Variants in OTUD7A observed in about 807,000 individuals in gnomAD.
OTUD7A encodes OTU domain-containing protein 7A.
Under a neutral mutation model 65.7 loss-of-function variants are expected in OTUD7A, and 12 were observed. That is an observed-to-expected ratio of 0.18 (90% CI 0.12 to 0.30). OTUD7A has a LOEUF of 0.30. Among genes scored for constraint, OTUD7A ranks in the 10% least tolerant of loss-of-function variants. The pLI is 1.00. For missense variants in OTUD7A, 1,148 were observed against 1,304.8 expected, an observed-to-expected ratio of 0.88 and a Z score of 1.85; for synonymous variants, 641 against 586.3, an observed-to-expected ratio of 1.09 and a Z score of -1.35.
intron 1 of OTUD7A, among the ~76,000 whole-genome samples, chr15:31,786,048 TA>T (rs1895664594): frequency 1.3e-5 from 2 of 152,050 alleles, no homozygotes; most frequent in Non-Finnish European, 2.9e-5. Context: ...ATCATAGCTT[TA>T]TAAGAAGAGG....
At chr15:31,560,215 G>A (rs529591472) in intron 4 of OTUD7A, among the ~76,000 whole-genome samples, 1 of 152,354 alleles carries the variant, frequency 6.6e-6, no homozygotes, top group South Asian at 2.1e-4. Context: ...AAGACAGGTT[G>A]TTTTACTAAA....
intron 3 of OTUD7A, among the ~76,000 whole-genome samples, chr15:31,607,718 A>G (rs1890276972): frequency 6.6e-6 from 1 of 152,186 alleles, no homozygotes; most frequent in Admixed American, 6.5e-5. Context: ...ATTGTGTTAC[A>G]ATTACCTACG....
chr15:31,592,904 AAT>A lies in OTUD7A; in HGVS notation c.152-22709_152-22708del, dbSNP rs1226266359. Among the ~76,000 whole-genome samples the A allele has an allele frequency of 6.2e-3, 367 of 59,368 alleles. 3 individuals are homozygous for A. Among genetic ancestry groups the A allele is most frequent in the South Asian group, 0.017 (25 of 1,446 alleles). The allele number at this position is 59,368 out of a possible 152,430, so 38.9% of individuals were successfully genotyped here. Reference sequence around the variant, plus strand: ...CAAAAAAAAAAAAAAAAAAAAAAAAAATATATATATATATATATATATATATA... The same window carrying A: ...CAAAAAAAAAAAAAAAAAAAAAAAAAATATATATATATATATATATATATA... On this transcript the variant is annotated intron_variant, in intron 3 of 12. Coordinates refer to ENST00000307050, the MANE Select transcript of OTUD7A (RefSeq NM_001382637.1).
intron 4 of OTUD7A, among the ~76,000 whole-genome samples, chr15:31,562,005 T>C (rs1277739017): frequency 6.6e-6 from 1 of 152,262 alleles, no homozygotes; most frequent in Non-Finnish European, 1.5e-5. Flanking sequence ...TATATTCTTT[T>C]TTCATTTATT....
At chr15:31,557,497 G>C (rs1314484069) in intron 5 of OTUD7A, 1 of 152,244 alleles carries the variant, frequency 6.6e-6, no homozygotes, top group Admixed American at 6.5e-5. Flanking sequence ...GGATGGTGGA[G>C]GAAGAGTGTG....
intron 1 of OTUD7A, among the ~76,000 whole-genome samples, chr15:31,730,028 G>A (rs989908701): frequency 6.6e-6 from 1 of 152,168 alleles, no homozygotes; most frequent in African/African-American, 2.4e-5. Context: ...AATGTTATTA[G>A]GAGGTGAGGC....
At chr15:31,591,936 CT>C (rs34839525) in intron 3 of OTUD7A, among the ~76,000 whole-genome samples, 27,331 of 152,174 alleles carry the variant, frequency 0.18, 2,654 homozygotes, top group East Asian at 0.25. Flanking sequence ...CAGCATATAA[CT>C]GTACTGAATA....
At chr15:31,804,701 T>C (rs1185113459) in intron 1 of OTUD7A, among the ~76,000 whole-genome samples, 1 of 152,016 alleles carries the variant, frequency 6.6e-6, no homozygotes, top group Non-Finnish European at 1.5e-5. Flanking sequence ...AAACTCTCCT[T>C]CCCCAGAGGA....
At chr15:31,684,064 T>C (rs1354971316) in intron 1 of OTUD7A, among the ~76,000 whole-genome samples, 1 of 152,128 alleles carries the variant, frequency 6.6e-6, no homozygotes, top group East Asian at 1.9e-4. Context: ...AAGCAATTGA[T>C]TTCAACAAAG....
At chr15:31,656,900 C>T (rs1000765349) in intron 2 of OTUD7A, 83 bp downstream of exon 2, 10 of 152,612 alleles carry the variant, frequency 6.6e-5, no homozygotes, top group African/African-American at 2.2e-4. Flanking sequence ...GAGACATTCA[C>T]TGTGACCACC....
chr15:31,751,186 T>C (rs576973066), intron 1 of OTUD7A, among the ~76,000 whole-genome samples: 3 of 152,042 alleles, frequency 2.0e-5, no homozygotes, highest in East Asian at 1.9e-4. Context: ...AAAGGACTAA[T>C]ATCCATAATC....
chr15:31,524,112 A>G (rs961532343), intron 8 of OTUD7A, among the ~76,000 whole-genome samples: 1 of 151,392 alleles, frequency 6.6e-6, no homozygotes, highest in African/African-American at 2.4e-5. Context: ...TTCCTATTGC[A>G]TATGCTCTGT....
At chr15:31,539,615 T>C (rs777502523) in intron 5 of OTUD7A, among the ~76,000 whole-genome samples, 10 of 152,198 alleles carry the variant, frequency 6.6e-5, no homozygotes, top group South Asian at 2.1e-4. Flanking sequence ...TTGGGGCCAA[T>C]TGGGAAAATC....
At chr15:31,709,314 A>G (rs1310481236) in intron 1 of OTUD7A, among the ~76,000 whole-genome samples, 6 of 152,074 alleles carry the variant, frequency 3.9e-5, no homozygotes, top group East Asian at 1.9e-4. Flanking sequence ...AAGGGCAGGA[A>G]CTCCATGAGA....
intron 3 of OTUD7A, among the ~76,000 whole-genome samples, chr15:31,587,177 T>C (rs990555092): frequency 6.6e-6 from 1 of 152,124 alleles, no homozygotes; most frequent in Non-Finnish European, 1.5e-5. Context: ...CACCTTAAAA[T>C]ATGCATTCTT....
chr15:31,497,982 C>T (rs2041413100), intron 10 of OTUD7A, among the ~76,000 whole-genome samples: 1 of 152,244 alleles, frequency 6.6e-6, no homozygotes, highest in Admixed American at 6.5e-5. Context: ...CACCTGTATG[C>T]ACCCAGCCCT....
At chr15:31,604,350 A>G (rs1182885120) in intron 3 of OTUD7A, among the ~76,000 whole-genome samples, 1 of 152,152 alleles carries the variant, frequency 6.6e-6, no homozygotes, top group Non-Finnish European at 1.5e-5. Flanking sequence ...AAGAACAGAA[A>G]ACCAAACACC....
intron 3 of OTUD7A, among the ~76,000 whole-genome samples, chr15:31,611,044 C>T (rs1029766141): frequency 6.6e-6 from 1 of 152,030 alleles, no homozygotes; most frequent in African/African-American, 2.4e-5. Context: ...GTAACCTATT[C>T]CTGAATGATC....
chr15:31,768,038 T>A (rs1895134833), intron 1 of OTUD7A: 7 of 1,601,042 alleles, frequency 4.4e-6, no homozygotes, highest in Non-Finnish European at 6.0e-6. Flanking sequence ...TCTTAATAGG[T>A]CATAAAGCCA....
Sources: gnomAD v4.1 joint callset for allele counts (sites outside exome capture counted in the v4.1 genomes callset) on GRCh38, gnomAD v4.1.1 for gene constraint, MANE v1.5 for transcripts, NCBI Gene and HGNC (gene_info 2026-07-23, HGNC 2026-07-21) for gene names.